ROBO2: variants seen among roughly 807,000 people sequenced by gnomAD.
ROBO2 encodes the protein roundabout guidance receptor 2.
A neutral mutation model predicts 160.8 loss-of-function variants in ROBO2; 53 were observed. The ratio of observed to expected loss-of-function variants is 0.33; its 90% CI spans 0.26 to 0.41. The LOEUF (loss-of-function observed/expected upper bound fraction) is 0.41, where lower values mean the gene tolerates loss of function less well. Ranked by LOEUF, ROBO2 falls within the 10% of genes least tolerant of loss-of-function variation. The pLI is 1.00. For synonymous variants in ROBO2, 664 were observed against 611.7 expected, an observed-to-expected ratio of 1.09 and a Z score of -1.26; for missense variants, 1,577 against 1,722.4, an observed-to-expected ratio of 0.92 and a Z score of 1.49.
intron 2 of ROBO2, among the ~76,000 whole-genome samples, chr3:77,219,586 T>C (rs1025216722): frequency 4.7e-5 from 7 of 148,746 alleles, no homozygotes; most frequent in African/African-American, 1.7e-4. Flanking sequence ...ACTGAGACAC[T>C]AAAGATTTGA....
At chr3:76,668,146 C>T (rs1248609832) in intron 2 of ROBO2, among the ~76,000 whole-genome samples, 1 of 152,112 alleles carries the variant, frequency 6.6e-6, no homozygotes, top group East Asian at 1.9e-4. Context: ...CAAATTCAGA[C>T]TGGAGTGTAG....
At chr3:76,857,196 A>G (rs2070212428) in intron 2 of ROBO2, among the ~76,000 whole-genome samples, 1 of 152,126 alleles carries the variant, frequency 6.6e-6, no homozygotes, top group Admixed American at 6.5e-5. Flanking sequence ...CGTGTTAGCC[A>G]GGATGGTCTC....
chr3:76,062,095 C>G (rs965779098), intron 2 of ROBO2, among the ~76,000 whole-genome samples: 2 of 152,056 alleles, frequency 1.3e-5, no homozygotes, highest in African/African-American at 4.8e-5. Flanking sequence ...CTTAACTTTC[C>G]CTGTGCTATG....
Position 76,812,345 on chromosome 3 carries a change from GAA to G in ROBO2, c.110-285652_110-285651del, listed in dbSNP as rs199902883. On this transcript the variant is annotated intron_variant, in intron 2 of 26. Transcript: ENST00000487694. ...CAAATTTTAAAGATAAAAGCTATTTGAAAAAAAAAAAAAAAAAACGTGTTTGA... is the reference window on the plus strand; with the variant it reads ...CAAATTTTAAAGATAAAAGCTATTTGAAAAAAAAAAAAAAAACGTGTTTGA... 9.6e-4 allele frequency among the ~76,000 whole-genome samples: 91 copies of G among 94,456 alleles called. 2 individuals carry two copies. The highest frequency in any genetic ancestry group is 2.5e-3 in the African/African-American group (62 of 24,618). The allele number at this position is 94,456 out of a possible 152,430, so 62.0% of individuals were successfully genotyped here.
At chr3:77,304,271 T>G (rs554504092) in intron 2 of ROBO2, among the ~76,000 whole-genome samples, 1 of 152,266 alleles carries the variant, frequency 6.6e-6, no homozygotes, top group Middle Eastern at 3.4e-3. Flanking sequence ...ATGTGCATAT[T>G]TAATAGTTTA....
intron 2 of ROBO2, among the ~76,000 whole-genome samples, chr3:77,161,685 T>C (rs183201616): frequency 6.6e-6 from 1 of 152,282 alleles, no homozygotes. Flanking sequence ...AGTTTGAAAA[T>C]CAGTAAGTTA....
chr3:76,556,289 G>A (rs1332728119), intron 2 of ROBO2, among the ~76,000 whole-genome samples: 1 of 152,118 alleles, frequency 6.6e-6, no homozygotes, highest in Non-Finnish European at 1.5e-5. Context: ...TAGGCATGAA[G>A]AAATTGGAGG....
chr3:76,861,678 C>T (rs1254334427), intron 2 of ROBO2, among the ~76,000 whole-genome samples: 2 of 152,138 alleles, frequency 1.3e-5, no homozygotes, highest in African/African-American at 2.4e-5. Context: ...ACCTACTGAA[C>T]AACTCTTCTT....
At chr3:76,755,552 T>C (rs547242686) in intron 2 of ROBO2, among the ~76,000 whole-genome samples, 117 of 151,908 alleles carry the variant, frequency 7.7e-4, no homozygotes, top group Non-Finnish European at 1.6e-3. Context: ...GCAATCCACC[T>C]GTTCCTGTCT....
intron 2 of ROBO2, among the ~76,000 whole-genome samples, chr3:76,060,301 C>CA (rs1379731125): frequency 7.4e-5 from 6 of 80,942 alleles, no homozygotes; most frequent in Non-Finnish European, 1.1e-4. Flanking sequence ...TTGTGTACAT[C>CA]AGAATAGAAA....
At chr3:75,981,752 A>T (rs1025192226) in intron 2 of ROBO2, among the ~76,000 whole-genome samples, 5 of 151,404 alleles carry the variant, frequency 3.3e-5, no homozygotes, top group African/African-American at 1.2e-4. Flanking sequence ...CTAAGCACTT[A>T]TCCTTTGAGT....
At chr3:76,398,415 T>C (rs1343252940) in intron 2 of ROBO2, among the ~76,000 whole-genome samples, 1 of 151,862 alleles carries the variant, frequency 6.6e-6, no homozygotes, top group Admixed American at 6.6e-5. Context: ...GCATGGCACA[T>C]GTATACATAT....
At chr3:76,336,606 T>C (rs1242479171) in intron 2 of ROBO2, among the ~76,000 whole-genome samples, 1 of 152,226 alleles carries the variant, frequency 6.6e-6, no homozygotes, top group African/African-American at 2.4e-5. Context: ...CTTTCAAATA[T>C]TCACTAAATA....
chr3:77,644,143 A>G (rs1368575293), intron 24 of ROBO2, among the ~76,000 whole-genome samples: 1 of 152,016 alleles, frequency 6.6e-6, no homozygotes, highest in Non-Finnish European at 1.5e-5. Context: ...TTAGCATATT[A>G]TTTATTTAAA....
chr3:77,320,724 C>T (rs2064590051), intron 2 of ROBO2, among the ~76,000 whole-genome samples: 1 of 152,064 alleles, frequency 6.6e-6, no homozygotes, highest in Non-Finnish European at 1.5e-5. Flanking sequence ...ACTTTTGTTG[C>T]GTTTGAAGGT....
At chr3:75,954,802 A>G (rs1332856361) in intron 2 of ROBO2, among the ~76,000 whole-genome samples, 7 of 151,864 alleles carry the variant, frequency 4.6e-5, no homozygotes, top group African/African-American at 1.7e-4. Context: ...ACTTATTAAC[A>G]TCTTGCAGAG....
intron 2 of ROBO2, chr3:77,316,619 T>A: frequency 1.8e-6 from 1 of 569,166 alleles, no homozygotes; most frequent in Non-Finnish European, 3.2e-6. Flanking sequence ...TAAAGCAGAA[T>A]CATCTTTAAC....
chr3:76,847,811 T>A (rs2068916774), intron 2 of ROBO2, among the ~76,000 whole-genome samples: 1 of 152,194 alleles, frequency 6.6e-6, no homozygotes, highest in African/African-American at 2.4e-5. Flanking sequence ...CATTATGGTG[T>A]AATAACAAAT....
chr3:76,093,049 T>G lies in ROBO2; in HGVS notation c.109+155447T>G, dbSNP rs954936121. Among the ~76,000 whole-genome samples, 8 of 152,312 alleles carry G rather than the reference T, an allele frequency of 5.3e-5. No individual in the cohort carries two copies. The South Asian group carries it at 1.7e-3, about 32-fold the overall frequency. On this transcript the variant is annotated intron_variant, in intron 2 of 26. Coordinates refer to the ROBO2 transcript ENST00000487694. The stretch of plus-strand genomic sequence containing the variant: ...TGAGTAAAACGTGGTTGATTATGTC[T>G]GTTTTGGGATACTTTTGAGATGTAA...
Sources: gnomAD v4.1 joint callset for allele counts (sites outside exome capture counted in the v4.1 genomes callset) on GRCh38, gnomAD v4.1.1 for gene constraint, MANE v1.5 for transcripts, NCBI Gene and HGNC (gene_info 2026-07-23, HGNC 2026-07-21) for gene names.